The following PLEKHA5 variants were observed in gnomAD, a reference collection of about 807,000 sequenced individuals.
The protein encoded by PLEKHA5 is pleckstrin homology domain containing A5, also known as pleckstrin homology domain-containing family A member 5.
PLEKHA5 carries 55 observed loss-of-function variants against 181.9 expected under a neutral mutation model. The observed-to-expected ratio is 0.30, with a 90% confidence interval of 0.24 to 0.38. PLEKHA5 has a LOEUF of 0.38. Ranked by LOEUF, PLEKHA5 falls within the 10% of genes least tolerant of loss-of-function variation. The pLI is 1.00. For missense variants in PLEKHA5, 1,432 were observed against 1,549.5 expected, an observed-to-expected ratio of 0.92 and a Z score of 1.27; for synonymous variants, 535 against 529.4, an observed-to-expected ratio of 1.01 and a Z score of -0.15.
At chr12:19,312,052 C>A (rs2086735216) in intron 15 of PLEKHA5, among the ~76,000 whole-genome samples, 1 of 152,166 alleles carries the variant, frequency 6.6e-6, no homozygotes, top group African/African-American at 2.4e-5. Flanking sequence ...ATGTTTCCAT[C>A]AGAGCTCTTG....
At chr12:19,230,143 C>T (rs1055646141) in intron 3 of PLEKHA5, among the ~76,000 whole-genome samples, 1 of 151,962 alleles carries the variant, frequency 6.6e-6, no homozygotes, top group Admixed American at 6.5e-5. Context: ...TAAGGGTTCT[C>T]CAGGTCCCCA....
At chr12:19,241,208 A>T (rs150939651) in intron 3 of PLEKHA5, among the ~76,000 whole-genome samples, 1 of 152,184 alleles carries the variant, frequency 6.6e-6, no homozygotes, top group African/African-American at 2.4e-5. Flanking sequence ...TGAGGACTCT[A>T]TTAGATCCAG....
intron 3 of PLEKHA5, chr12:19,200,369 A>G (rs2053930834): frequency 6.5e-7 from 1 of 1,529,562 alleles, no homozygotes; most frequent in Non-Finnish European, 8.8e-7. Context: ...AGAAGATGTA[A>G]TGGAAGTTCC....
At chr12:19,355,344 C>CTTTTTT (rs756942658) in intron 26 of PLEKHA5, among the ~76,000 whole-genome samples, 3 of 94,002 alleles carry the variant, frequency 3.2e-5, no homozygotes, top group Non-Finnish European at 4.4e-5. Flanking sequence ...TATGGCTAGT[C>CTTTTTT]TTTTTTTTTT....
chr12:19,157,184 C>A (rs2041968730), intron 3 of PLEKHA5, among the ~76,000 whole-genome samples: 1 of 151,340 alleles, frequency 6.6e-6, no homozygotes, highest in Non-Finnish European at 1.5e-5. Context: ...AATCACAAAA[C>A]CCTCATGCTG....
chr12:19,355,681 A>C (rs1362840477), intron 26 of PLEKHA5, among the ~76,000 whole-genome samples: 4 of 152,150 alleles, frequency 2.6e-5, no homozygotes, highest in African/African-American at 9.6e-5. Flanking sequence ...CAAAAGTATA[A>C]AGATCTATAG....
intron 25 of PLEKHA5, among the ~76,000 whole-genome samples, chr12:19,352,636 A>G (rs1480218242): frequency 6.7e-6 from 1 of 150,320 alleles, no homozygotes; most frequent in Non-Finnish European, 1.5e-5. Context: ...GCTGGTCTCA[A>G]ACTCCTGGCC....
chr12:19,201,452 T>G (rs1435047272), intron 3 of PLEKHA5: 1 of 152,102 alleles, frequency 6.6e-6, no homozygotes, highest in Non-Finnish European at 1.5e-5. Flanking sequence ...AAATTAATTG[T>G]AAATTTGACC....
chr12:19,358,774 A>G (rs1265458488), intron 27 of PLEKHA5, among the ~76,000 whole-genome samples: 1 of 152,194 alleles, frequency 6.6e-6, no homozygotes, highest in African/African-American at 2.4e-5. Flanking sequence ...CAGGTTACCA[A>G]GATAGTCCCC....
chr12:19,280,892 G>A (rs1168851320), intron 11 of PLEKHA5, among the ~76,000 whole-genome samples: 1 of 151,822 alleles, frequency 6.6e-6, no homozygotes, highest in Admixed American at 6.6e-5. Flanking sequence ...TGTATTTTTA[G>A]TAGAGACAGG....
intron 3 of PLEKHA5, among the ~76,000 whole-genome samples, chr12:19,169,753 C>T (rs4423243): frequency 0.89 from 134,854 of 152,182 alleles, 60,603 homozygotes; most frequent in Non-Finnish European, 0.97. Flanking sequence ...GGAAATGGCC[C>T]GGGTAAAAAC....
chr12:19,162,572 TTAAAA>T (rs1025354876), intron 3 of PLEKHA5, among the ~76,000 whole-genome samples: 3 of 98,660 alleles, frequency 3.0e-5, no homozygotes, highest in Admixed American at 9.5e-5. Context: ...TAAGTTAGCT[TTAAAA>T]AAAAAAAAAA....
chr12:19,361,584 A>T lies in PLEKHA5; in HGVS notation c.3486A>T (p.Leu1162Phe), dbSNP rs773663244. 2 of 1,439,030 alleles carry T rather than the reference A, an allele frequency of 1.4e-6. No individual in the cohort carries two copies. Among genetic ancestry groups the T allele is most frequent in the Non-Finnish European group, 9.6e-7 (1 of 1,041,508 alleles). 89.1% of individuals were successfully genotyped at this position (1,439,030 alleles called of 1,614,324 possible). ...AAATTTTTCTTTTTATTCTACAGTT[A>T]AAAAAAACTGAAAACATTTCATATG... ...EPQNVDFSKE[L>F]KKTENISYEM... is the part of the protein sequence containing the mutation. The change falls in exon 29 of 32, where the codon TTA becomes TTT. Residue 1162 changes from leucine (L) to phenylalanine (F), a missense_variant and splice_region_variant. Around this residue, in one of 2 missense-constraint regions of PLEKHA5, gnomAD observed 1,143 missense variants for 1,168.4 expected, o/e 0.98. Transcript: ENST00000429027.
intron 13 of PLEKHA5, among the ~76,000 whole-genome samples, chr12:19,288,975 C>G (rs1056485047): frequency 1.3e-5 from 2 of 152,174 alleles, no homozygotes; most frequent in African/African-American, 4.8e-5. Context: ...AAATAATAAA[C>G]CAGAGTTTCA....
chr12:19,185,430 T>C (rs891805485), intron 3 of PLEKHA5, among the ~76,000 whole-genome samples: 3 of 152,000 alleles, frequency 2.0e-5, no homozygotes, highest in Non-Finnish European at 4.4e-5. Flanking sequence ...GCTGTAAAGA[T>C]GTCAGCCTAG....
Position 19,361,629 on chromosome 12 carries a change from G to A in PLEKHA5, c.3531G>A (p.Glu1177=). The change falls in exon 29 of 32, where the codon GAG becomes GAA. Residue 1177 remains glutamate (E), a synonymous_variant. Coordinates refer to ENST00000429027, the MANE Select transcript of PLEKHA5 (RefSeq NM_001256470.2). Reference sequence around the variant, plus strand: ...CATATGAAATGCTTTTTGAACCTGAGCCAAATGGAGTAAATTCTGTGGAAA... The same window carrying A: ...CATATGAAATGCTTTTTGAACCTGAACCAAATGGAGTAAATTCTGTGGAAA... ...NISYEMLFEP[E]PNGVNSVEMM... is the part of the protein sequence containing the mutation. 6.4e-7 allele frequency: 1 copy of A among 1,567,958 alleles called. No homozygotes were observed. The highest frequency in any genetic ancestry group is 8.8e-7 in the Non-Finnish European group (1 of 1,142,364).
At chr12:19,316,932 G>A (rs1592463073) in intron 16 of PLEKHA5, among the ~76,000 whole-genome samples, 2 of 152,082 alleles carry the variant, frequency 1.3e-5, no homozygotes, top group African/African-American at 4.8e-5. Context: ...AAATACAATG[G>A]CAAAATGTTT....
At chr12:19,288,562 T>C (rs1320382028) in intron 13 of PLEKHA5, among the ~76,000 whole-genome samples, 1 of 152,232 alleles carries the variant, frequency 6.6e-6, no homozygotes, top group Non-Finnish European at 1.5e-5. Flanking sequence ...TTTAAAATTC[T>C]CTTCCTGCAG....
At chr12:19,249,538 A>G (rs772597191) in intron 3 of PLEKHA5, among the ~76,000 whole-genome samples, 2 of 152,194 alleles carry the variant, frequency 1.3e-5, no homozygotes, top group East Asian at 1.9e-4. Flanking sequence ...TTGGGCGGCA[A>G]TTGACTGAGG....
Sources: gnomAD v4.1 joint callset for allele counts (sites outside exome capture counted in the v4.1 genomes callset) on GRCh38, gnomAD v4.1.1 for gene constraint, gnomAD v4.1.1 regional missense constraint, MANE v1.5 for transcripts, NCBI Gene and HGNC (gene_info 2026-07-23, HGNC 2026-07-21) for gene names.